Variants in TENM4 observed in about 807,000 individuals in gnomAD.
The protein encoded by TENM4 is teneurin transmembrane protein 4.
Under a neutral mutation model 243.3 loss-of-function variants are expected in TENM4, and 82 were observed. The ratio of observed to expected loss-of-function variants is 0.34; its 90% confidence interval spans 0.28 to 0.40. The LOEUF is 0.40. Ranked by LOEUF, TENM4 falls within the 10% of genes least tolerant of loss-of-function variation. TENM4 has a pLI of 1.00. For synonymous variants in TENM4, 1,412 were observed against 1,456.3 expected (o/e 0.97, Z 0.69); for missense variants, 3,138 against 3,673.3 (o/e 0.85, Z 3.77).
At chr11:78,850,897 CAT>C (rs1275381003) in intron 12 of TENM4, among the ~76,000 whole-genome samples, 1 of 152,134 alleles carries the variant, frequency 6.6e-6, no homozygotes, top group Non-Finnish European at 1.5e-5. Context: ...ACAGAGCTAA[CAT>C]GTGACAGTGG....
At chr11:79,081,986 TG>T (rs1860687699) in intron 4 of TENM4, among the ~76,000 whole-genome samples, 1 of 152,192 alleles carries the variant, frequency 6.6e-6, no homozygotes, top group Non-Finnish European at 1.5e-5. Flanking sequence ...TGCATTGCTC[TG>T]TGCCTCAATT....
intron 5 of TENM4, among the ~76,000 whole-genome samples, chr11:79,066,650 A>G (rs1455126853): frequency 6.6e-6 from 1 of 151,736 alleles, no homozygotes; most frequent in Non-Finnish European, 1.5e-5. Context: ...AAGTGCACAC[A>G]CACGTGCAAA....
intron 9 of TENM4, among the ~76,000 whole-genome samples, chr11:78,888,857 A>C (rs1175224082): frequency 6.6e-6 from 1 of 152,186 alleles, no homozygotes; most frequent in Non-Finnish European, 1.5e-5. Flanking sequence ...ACCTACCTTA[A>C]GCCTTTGAAT....
At chr11:79,004,387 A>G (rs979073790) in intron 6 of TENM4, among the ~76,000 whole-genome samples, 4 of 152,076 alleles carry the variant, frequency 2.6e-5, no homozygotes, top group African/African-American at 9.7e-5. Context: ...CTACACAATC[A>G]TCGGCAAATT....
intron 1 of TENM4, among the ~76,000 whole-genome samples, chr11:79,313,550 TG>T (rs1856755368): frequency 6.6e-6 from 1 of 152,242 alleles, no homozygotes; most frequent in Non-Finnish European, 1.5e-5. Context: ...CCATTCCTGC[TG>T]ATTTCAAGGA....
intron 7 of TENM4, among the ~76,000 whole-genome samples, chr11:78,894,812 G>A (rs1855749569): frequency 6.6e-6 from 1 of 151,202 alleles, no homozygotes; most frequent in African/African-American, 2.4e-5. Context: ...GGGCAACATG[G>A]CAAAATCCCA....
At chr11:79,401,313 A>C (rs1055633892) in intron 1 of TENM4, among the ~76,000 whole-genome samples, 2 of 152,144 alleles carry the variant, frequency 1.3e-5, no homozygotes, top group Admixed American at 6.5e-5. Flanking sequence ...TCACAGACTA[A>C]TGGAAGAGCC....
At chr11:78,730,085 T>C (rs1380004530) in intron 21 of TENM4, among the ~76,000 whole-genome samples, 1 of 152,216 alleles carries the variant, frequency 6.6e-6, no homozygotes, top group Admixed American at 6.5e-5. Context: ...AGCTGTGTTA[T>C]CCTAGAAAGC....
intron 15 of TENM4, among the ~76,000 whole-genome samples, chr11:78,800,569 G>C (rs1427836275): frequency 6.6e-6 from 1 of 152,156 alleles, no homozygotes; most frequent in East Asian, 1.9e-4. Context: ...TTCCTGGACA[G>C]AGCTTTCGGC....
intron 2 of TENM4, among the ~76,000 whole-genome samples, chr11:79,273,382 T>C (rs1444420427): frequency 6.6e-6 from 1 of 152,214 alleles, no homozygotes; most frequent in East Asian, 1.9e-4. Flanking sequence ...ACAGAACTCT[T>C]AGGTAGAGGA....
rs140128280 is a variant in TENM4, at chr11:79,288,707, T to C, written c.-265+8781A>G. On this transcript the variant is annotated intron_variant, in intron 2 of 33. Transcript: ENST00000278550. ...ATCTTGAGAGAGCTAAGTGTCAGCT[T>C]CTTTCCTGGCTAATGTGAATGTAAT... Among the ~76,000 whole-genome samples, 52 of 152,338 alleles carry C rather than the reference T, an allele frequency of 3.4e-4. 1 individual carries two copies. In the East Asian group the frequency reaches 7.7e-3, roughly 23 times the overall value.
At chr11:78,908,337 A>G (rs1313337777) in intron 6 of TENM4, among the ~76,000 whole-genome samples, 4 of 152,222 alleles carry the variant, frequency 2.6e-5, no homozygotes, top group Non-Finnish European at 5.9e-5. Context: ...GAATTAAAAG[A>G]GATAATGTAT....
At chr11:78,878,841 G>C (rs59337392) in intron 9 of TENM4, among the ~76,000 whole-genome samples, 1,969 of 152,324 alleles carry the variant, frequency 0.013, 41 homozygotes, top group African/African-American at 0.045. Context: ...ACAGAGCAGA[G>C]GCACAAAGAT....
intron 6 of TENM4, among the ~76,000 whole-genome samples, chr11:79,060,451 C>G (rs913730742): frequency 6.6e-6 from 1 of 152,238 alleles, no homozygotes. Context: ...AAGCCTCTAC[C>G]GCTATCAATA....
intron 1 of TENM4, among the ~76,000 whole-genome samples, chr11:79,320,830 A>T (rs912707266): frequency 2.6e-5 from 4 of 152,188 alleles, no homozygotes; most frequent in Non-Finnish European, 5.9e-5. Context: ...AATTCTCCCT[A>T]TAGCTTTCAT....
At chr11:78,749,656 T>C (rs754825527) in intron 19 of TENM4, among the ~76,000 whole-genome samples, 1 of 152,212 alleles carries the variant, frequency 6.6e-6, no homozygotes, top group Non-Finnish European at 1.5e-5. Context: ...ATTGCATACA[T>C]GGTCATTTCT....
chr11:78,712,448 T>C (rs759070122), intron 26 of TENM4, 34 bp downstream of exon 26: 7 of 1,578,458 alleles, frequency 4.4e-6, no homozygotes, highest in Middle Eastern at 1.7e-4. Flanking sequence ...CCCCAATAAA[T>C]GTTATTGACA....
At chr11:78,703,355 C>T (rs989193575) in intron 27 of TENM4, among the ~76,000 whole-genome samples, 5 of 152,202 alleles carry the variant, frequency 3.3e-5, no homozygotes, top group Admixed American at 1.3e-4. Flanking sequence ...TTTCTGTGCA[C>T]ACTAAGGTTT....
intron 2 of TENM4, among the ~76,000 whole-genome samples, chr11:79,293,506 C>T (rs1331158245): frequency 3.3e-5 from 4 of 121,120 alleles, no homozygotes; most frequent in South Asian, 3.0e-4. Flanking sequence ...AACACTGTCC[C>T]TTAAAAAAAA....
Sources: gnomAD v4.1 joint callset for allele counts (sites outside exome capture counted in the v4.1 genomes callset) on GRCh38, gnomAD v4.1.1 for gene constraint, MANE v1.5 for transcripts, NCBI Gene and HGNC (gene_info 2026-07-23, HGNC 2026-07-21) for gene names.